Variants in CPLX4 observed in about 807,000 individuals in gnomAD.
CPLX4 encodes the protein complexin 4.
Under a neutral mutation model 16.1 loss-of-function variants are expected in CPLX4, and 17 were observed. That is an observed-to-expected ratio of 1.06 (90% CI 0.72 to 1.59). The LOEUF (loss-of-function observed/expected upper bound fraction) is 1.59, where lower values mean the gene tolerates loss of function less well. Among genes scored for constraint, CPLX4 ranks in the 40% most tolerant of loss-of-function variants. The pLI, the probability that CPLX4 is intolerant of heterozygous loss-of-function variation, is 0.00. For synonymous variants in CPLX4, 55 were observed against 57.8 expected (o/e 0.95, Z 0.22); for missense variants, 193 against 192.9 (o/e 1.00, Z 0.00).
At chr18:59,307,737 C>G (rs1454705218) in intron 2 of CPLX4, among the ~76,000 whole-genome samples, 1 of 143,156 alleles carries the variant, frequency 7.0e-6, no homozygotes, top group Non-Finnish European at 1.5e-5. Context: ...CCTCGCATCC[C>G]CACTGTGTTT....
chr18:59,309,308 G>A (rs1456253271), intron 2 of CPLX4, among the ~76,000 whole-genome samples: 1 of 152,144 alleles, frequency 6.6e-6, no homozygotes, highest in Non-Finnish European at 1.5e-5. Flanking sequence ...TGGAGGAGGG[G>A]GTCCCCACCT....
intron 2 of CPLX4, among the ~76,000 whole-genome samples, chr18:59,304,038 G>C (rs1041737520): frequency 2.0e-5 from 3 of 152,152 alleles, no homozygotes; most frequent in Non-Finnish European, 4.4e-5. Flanking sequence ...AATCATCTTT[G>C]TTATTTTTTT....
chr18:59,299,873 C>T (rs376536290), intron 2 of CPLX4, among the ~76,000 whole-genome samples: 10 of 152,208 alleles, frequency 6.6e-5, no homozygotes, highest in East Asian at 3.8e-4. Context: ...ACTCAGGGCT[C>T]GGGCCTCGCA....
At chr18:59,303,120 G>T (rs1296134459) in intron 2 of CPLX4, among the ~76,000 whole-genome samples, 2 of 152,182 alleles carry the variant, frequency 1.3e-5, no homozygotes, top group Admixed American at 1.3e-4. Context: ...GCCCTCAGAA[G>T]CTAGTGTGTG....
chr18:59,307,885 G>C (rs991905759), intron 2 of CPLX4, among the ~76,000 whole-genome samples: 3 of 151,472 alleles, frequency 2.0e-5, no homozygotes, highest in African/African-American at 7.3e-5. Context: ...CTGGGTAGCT[G>C]GGATTACAGG....
chr18:59,309,850 A>G (rs1372703837), intron 2 of CPLX4, among the ~76,000 whole-genome samples: 2 of 150,182 alleles, frequency 1.3e-5, no homozygotes, highest in Non-Finnish European at 3.0e-5. Context: ...AAAGAAAAAG[A>G]AAAAAAGAGT....
rs527371314 is a variant in CPLX4 at position 59,307,753 on chromosome 18, A to ATTTT, written c.255+4928_255+4931dup. Reference sequence around the variant, plus strand: ...CTCGCATCCCCACTGTGTTTTTCTGATTTTTTTTTTTTTTTTGAAATGGAG... The same window carrying ATTTT: ...CTCGCATCCCCACTGTGTTTTTCTGATTTTTTTTTTTTTTTTTTTTGAAATGGAG... On this transcript the variant is annotated intron_variant, in intron 2 of 2. Coordinates refer to ENST00000299721, the MANE Select transcript of CPLX4 (RefSeq NM_181654.4). Among the ~76,000 whole-genome samples the ATTTT allele has an allele frequency of 1.7e-4, 22 of 130,958 alleles. 1 individual carries two copies. Among genetic ancestry groups the ATTTT allele is most frequent in the African/African-American group, 3.3e-4 (12 of 36,156 alleles). 85.9% of individuals were successfully genotyped at this position (130,958 alleles called of 152,430 possible). A position where few individuals can be genotyped will look rare whatever the true frequency, so the allele number is the denominator to read the frequency against.
intron 2 of CPLX4, among the ~76,000 whole-genome samples, chr18:59,299,939 C>A (rs933158365): frequency 6.6e-6 from 1 of 152,186 alleles, no homozygotes; most frequent in Admixed American, 6.5e-5. Context: ...AGTTTGAGAA[C>A]CCCTGCTCTA....
At chr18:59,298,110 G>C (rs1365727299) in intron 2 of CPLX4, among the ~76,000 whole-genome samples, 1 of 147,608 alleles carries the variant, frequency 6.8e-6, no homozygotes, top group East Asian at 2.0e-4. Context: ...TTTTTTTTTA[G>C]ACAGGGTCTC....
chr18:59,302,446 A>G (rs1348659115), intron 2 of CPLX4, among the ~76,000 whole-genome samples: 1 of 152,246 alleles, frequency 6.6e-6, no homozygotes, highest in African/African-American at 2.4e-5. Flanking sequence ...GTGAGCCAGC[A>G]CATAATTAGG....
At chr18:59,299,308 T>C (rs905972866) in intron 2 of CPLX4, among the ~76,000 whole-genome samples, 3 of 152,248 alleles carry the variant, frequency 2.0e-5, no homozygotes, top group East Asian at 1.9e-4. Context: ...ATCTGCCCTC[T>C]CTTATGCATC....
intron 2 of CPLX4, among the ~76,000 whole-genome samples, chr18:59,303,555 T>C (rs1162000815): frequency 6.6e-6 from 1 of 152,160 alleles, no homozygotes; most frequent in East Asian, 1.9e-4. Flanking sequence ...AAAACATGGC[T>C]TGTGGGCTCG....
intron 2 of CPLX4, among the ~76,000 whole-genome samples, chr18:59,303,196 T>G (rs965233819): frequency 1.6e-4 from 24 of 152,330 alleles, no homozygotes; most frequent in African/African-American, 5.8e-4. Context: ...ACTGCTGCCC[T>G]TCCCTCTTTA....
chr18:59,298,394 G>C lies in CPLX4; in HGVS notation c.256-1469C>G, dbSNP rs150149101. 2.0e-5 allele frequency among the ~76,000 whole-genome samples: 3 copies of C among 152,286 alleles called. No individual in the cohort carries two copies. In the East Asian group the frequency reaches 5.8e-4, roughly 29 times the overall value. On this transcript the variant is annotated intron_variant, in intron 2 of 2. Transcript: ENST00000299721. ...TGTCAGATTTTTTGGAGATCAGGTT[G>C]TAACATGAGGTGACCTGGGTTTCAG...
Position 59,318,440 on chromosome 18 carries a change from A to T in CPLX4, c.23T>A (p.Met8Lys), listed in dbSNP as rs113610263. ...TAAATTCTTTACCTGGTTACTTATC[A>T]TACTTTTCATAAGGAAAGCCATTTT... MAFLMKSMISNQVKNLGF... is the reference protein window; with the variant it reads MAFLMKSKISNQVKNLGF... Residue 8 changes from methionine to lysine, a missense_variant, in exon 1 of 3, where the codon ATG (methionine) becomes AAG (lysine). Transcript: ENST00000299721. 3 of 1,610,898 alleles carry T rather than the reference A, an allele frequency of 1.9e-6. No homozygotes were observed. The highest frequency in any genetic ancestry group is 1.7e-6 in the Non-Finnish European group (2 of 1,179,022).
chr18:59,309,409 C>A (rs2070600020), intron 2 of CPLX4, among the ~76,000 whole-genome samples: 1 of 152,332 alleles, frequency 6.6e-6, no homozygotes, highest in East Asian at 1.9e-4. Context: ...ATTTAGACAG[C>A]TACTTGCAGA....
chr18:59,314,715 T>C (rs2070641235), intron 1 of CPLX4, among the ~76,000 whole-genome samples: 1 of 152,206 alleles, frequency 6.6e-6, no homozygotes. Context: ...TACCATAGAT[T>C]GGTTTTGCCT....
At chr18:59,301,519 G>A (rs1393164978) in intron 2 of CPLX4, among the ~76,000 whole-genome samples, 3 of 152,204 alleles carry the variant, frequency 2.0e-5, no homozygotes, top group Admixed American at 6.5e-5. Context: ...ACTCTGGGCT[G>A]CAGCCTGTGC....
At chr18:59,311,755 G>A (rs2070618339) in intron 2 of CPLX4, among the ~76,000 whole-genome samples, 1 of 152,212 alleles carries the variant, frequency 6.6e-6, no homozygotes, top group African/African-American at 2.4e-5. Flanking sequence ...GAGTAGCAAA[G>A]TGATGGGCCC....
Sources: gnomAD v4.1 joint callset for allele counts (sites outside exome capture counted in the v4.1 genomes callset) on GRCh38, gnomAD v4.1.1 for gene constraint, MANE v1.5 for transcripts, NCBI Gene and HGNC (gene_info 2026-07-23, HGNC 2026-07-21) for gene names.